Variants in LEMD1 observed in about 807,000 individuals in gnomAD.
The protein encoded by LEMD1 is LEM domain containing 1, also known as LEM domain-containing protein 1.
LEMD1 carries 18 observed loss-of-function variants against 17.4 expected under a neutral mutation model. That is an observed-to-expected ratio of 1.04 (90% confidence interval 0.72 to 1.54). LEMD1 has a LOEUF of 1.54. Among genes scored for constraint, LEMD1 ranks in the 40% most tolerant of loss-of-function variants. The pLI is 0.00. For synonymous variants in LEMD1, 88 were observed against 77.8 expected (o/e 1.13, Z -0.69); for missense variants, 195 against 210.4 (o/e 0.93, Z 0.45).
chr1:205,416,341 G>T, intron 3 of LEMD1, 45 bp from the exon 4 acceptor site: 1 of 1,342,026 alleles, frequency 7.5e-7, no homozygotes, highest in Non-Finnish European at 1.0e-6. Flanking sequence ...GAGAACATTT[G>T]AGCTAGCAAA....
chr1:205,416,629 C>T (rs959361664), intron 3 of LEMD1, among the ~76,000 whole-genome samples: 1 of 152,132 alleles, frequency 6.6e-6, no homozygotes. Context: ...CCCTGAATGC[C>T]AAGATAGGAA....
chr1:205,408,222 T>TA (rs1558724897), intron 4 of LEMD1, among the ~76,000 whole-genome samples: 3 of 151,898 alleles, frequency 2.0e-5, no homozygotes, highest in Non-Finnish European at 4.4e-5. Context: ...CATATGGTGG[T>TA]TATGTAGGAG....
chr1:205,399,698 A>G (rs1664749642), intron 4 of LEMD1, among the ~76,000 whole-genome samples: 1 of 152,260 alleles, frequency 6.6e-6, no homozygotes, highest in Non-Finnish European at 1.5e-5. Flanking sequence ...AGGGGCTCCT[A>G]CTAGCCAAAT....
At chr1:205,402,613 G>A (rs1182595418) in intron 4 of LEMD1, among the ~76,000 whole-genome samples, 1 of 152,100 alleles carries the variant, frequency 6.6e-6, no homozygotes, top group East Asian at 1.9e-4. Context: ...GAGACAATGG[G>A]GTGTTCTAGA....
chr1:205,402,311 G>T (rs1014342974), intron 4 of LEMD1, among the ~76,000 whole-genome samples: 1 of 152,068 alleles, frequency 6.6e-6, no homozygotes, highest in Non-Finnish European at 1.5e-5. Flanking sequence ...CCATTTTCAC[G>T]ATATTGATTC....
At chr1:205,411,480 C>T (rs1364738107) in intron 4 of LEMD1, among the ~76,000 whole-genome samples, 3 of 149,336 alleles carry the variant, frequency 2.0e-5, no homozygotes, top group South Asian at 2.1e-4. Context: ...GGCGTGAACC[C>T]GGGAGGCGGA....
chr1:205,424,221 C>T (rs1272937279), upstream of LEMD1, among the ~76,000 whole-genome samples: 1 of 152,212 alleles, frequency 6.6e-6, no homozygotes, highest in African/African-American at 2.4e-5. Flanking sequence ...CCGCATCACT[C>T]ATCATTCTCA....
At chr1:205,438,703 C>T (rs1442255323) in intron 1 of LEMD1, among the ~76,000 whole-genome samples, 3 of 152,144 alleles carry the variant, frequency 2.0e-5, no homozygotes, top group Non-Finnish European at 4.4e-5. Context: ...GGGCTGCCGG[C>T]TTGGAGGCAG....
At chr1:205,396,225 G>C (rs748209728) in intron 4 of LEMD1, among the ~76,000 whole-genome samples, 29 of 152,086 alleles carry the variant, frequency 1.9e-4, no homozygotes, top group Non-Finnish European at 4.0e-4. Flanking sequence ...ATGTTACCCA[G>C]GCTGGTCTTG....
chr1:205,404,638 C>G (rs1346158962), intron 4 of LEMD1, among the ~76,000 whole-genome samples: 1 of 152,166 alleles, frequency 6.6e-6, no homozygotes, highest in Non-Finnish European at 1.5e-5. Context: ...ACACTGATGG[C>G]TCTTGACTCT....
upstream of LEMD1, among the ~76,000 whole-genome samples, chr1:205,424,338 G>A (rs61601672): frequency 1.7e-3 from 258 of 152,308 alleles, 1 homozygote; most frequent in African/African-American, 5.8e-3. Flanking sequence ...ACTGCTGACC[G>A]GAGGGAAAAG....
chr1:205,395,525 T>A (rs545859469), intron 4 of LEMD1, among the ~76,000 whole-genome samples: 1 of 149,236 alleles, frequency 6.7e-6, no homozygotes, highest in African/African-American at 2.5e-5. Flanking sequence ...ACCTGGGAGA[T>A]GGATGTTGCG....
At chr1:205,402,364 C>A (rs1047220597) in intron 4 of LEMD1, among the ~76,000 whole-genome samples, 1 of 152,086 alleles carries the variant, frequency 6.6e-6, no homozygotes, top group African/African-American at 2.4e-5. Flanking sequence ...TTGTTTGTAT[C>A]CTCTTTTATT....
chr1:205,393,789 T>C (rs972297711), intron 4 of LEMD1, among the ~76,000 whole-genome samples: 2 of 151,038 alleles, frequency 1.3e-5, no homozygotes, highest in Non-Finnish European at 2.9e-5. Flanking sequence ...CACAGTTTGG[T>C]ACTTTCTCCG....
At chr1:205,439,643 T>C (rs1365986732) in intron 1 of LEMD1, among the ~76,000 whole-genome samples, 3 of 152,182 alleles carry the variant, frequency 2.0e-5, no homozygotes, top group African/African-American at 7.2e-5. Context: ...GTCACCTGTT[T>C]ACCTGTCAGA....
At chr1:205,400,479 G>C (rs1246351396) in intron 4 of LEMD1, among the ~76,000 whole-genome samples, 1 of 152,184 alleles carries the variant, frequency 6.6e-6, no homozygotes, top group African/African-American at 2.4e-5. Context: ...CATTTCTAAA[G>C]AATTCCTGCC....
chr1:205,381,812 A>C lies in LEMD1; in HGVS notation c.392T>G (p.Ile131Ser). The change falls in exon 6 of 6, where the codon ATC becomes AGC. Residue 131 changes from isoleucine (I) to serine (S), a missense_variant. Ile to Ser is a moderately radical substitution (Grantham distance 142). Coordinates refer to ENST00000367153, the MANE Select transcript of LEMD1 (RefSeq NM_001199050.2). Reference sequence around the variant, plus strand: ...CGCGCAGTAGTCTCTCTCTTTGGTGATAGTCCCATATGTGATTCTGGTGCT... The same window carrying C: ...CGCGCAGTAGTCTCTCTCTTTGGTGCTAGTCCCATATGTGATTCTGGTGCT... Reference protein sequence around the residue: ...APSTRITYGTITKERDYCAED... With the variant: ...APSTRITYGTSTKERDYCAED... 6.2e-7 allele frequency: 1 copy of C among 1,614,110 alleles called. No homozygotes were observed. The highest frequency in any genetic ancestry group is 8.5e-7 in the Non-Finnish European group (1 of 1,180,034).
intron 1 of LEMD1, among the ~76,000 whole-genome samples, chr1:205,431,781 A>G (rs1377345476): frequency 6.6e-6 from 1 of 151,866 alleles, no homozygotes; most frequent in Non-Finnish European, 1.5e-5. Context: ...CAGTGGTGCG[A>G]TCTTGGCTCA....
In LEMD1 at chr1:205,381,673, C is replaced by G; in HGVS notation, c.531G>C (p.Lys177Asn). 6.2e-7 allele frequency: 1 copy of G among 1,614,236 alleles called. No individual in the cohort carries two copies. The highest frequency in any genetic ancestry group is 8.5e-7 in the Non-Finnish European group (1 of 1,180,048). ...VVFVYLTVEN[K>N]SLFG The stretch of plus-strand genomic sequence containing the variant: ...CCTAAATTACTTAACCAAACAGCGA[C>G]TTATTTTCCACAGTCAGGTAGACAA... Residue 177 changes from lysine (K) to asparagine (N), a missense_variant, in exon 6 of 6, where the codon AAG (lysine) becomes AAC (asparagine). By Grantham distance (94) the Lys-to-Asn change is moderately conservative. Transcript: ENST00000367153.
Sources: gnomAD v4.1 joint callset for allele counts (sites outside exome capture counted in the v4.1 genomes callset) on GRCh38, gnomAD v4.1.1 for gene constraint, MANE v1.5 for transcripts, NCBI Gene and HGNC (gene_info 2026-07-23, HGNC 2026-07-21) for gene names.